Variants in EPB41L2 observed in about 807,000 individuals in gnomAD.
EPB41L2 encodes the protein band 4.1-like protein 2.
In EPB41L2, 43 loss-of-function variants were observed where a neutral mutation model predicts 113.0. The ratio of observed to expected loss-of-function variants is 0.38; its 90% CI spans 0.30 to 0.49. The LOEUF (loss-of-function observed/expected upper bound fraction) is 0.49, where lower values mean the gene tolerates loss of function less well. EPB41L2 is among the 20% of genes least tolerant of loss of function. EPB41L2 has a pLI of 0.95. For missense variants in EPB41L2, 1,147 were observed against 1,223.4 expected (o/e 0.94, Z 0.93); for synonymous variants, 442 against 436.7 (o/e 1.01, Z -0.15).
intron 4 of EPB41L2, among the ~76,000 whole-genome samples, chr6:130,912,742 G>C (rs2128520122): frequency 6.6e-6 from 1 of 152,040 alleles, no homozygotes; most frequent in East Asian, 1.9e-4. Flanking sequence ...GCCTCGATAA[G>C]TGCACAGGAA....
chr6:130,993,931 A>T (rs1004077763), intron 1 of EPB41L2, among the ~76,000 whole-genome samples: 5 of 152,360 alleles, frequency 3.3e-5, no homozygotes, highest in African/African-American at 9.6e-5. Context: ...GTATAAGGTT[A>T]AAAATAGGCA....
At chr6:130,957,427 C>T (rs1817797184) in intron 1 of EPB41L2, among the ~76,000 whole-genome samples, 1 of 152,170 alleles carries the variant, frequency 6.6e-6, no homozygotes, top group African/African-American at 2.4e-5. Context: ...TTCGCTCTCC[C>T]CTCCCTTGCC....
chr6:130,857,580 T>C, intron 19 of EPB41L2, among the ~76,000 whole-genome samples: 2 of 113,178 alleles, frequency 1.8e-5, no homozygotes, highest in South Asian at 3.1e-4. Context: ...TTTTTTGAGA[T>C]GGAGTCTCAC....
intron 4 of EPB41L2, among the ~76,000 whole-genome samples, chr6:130,911,822 C>T (rs1385795264): frequency 6.6e-6 from 1 of 152,080 alleles, no homozygotes; most frequent in South Asian, 2.1e-4. Flanking sequence ...TTTTGAGGTA[C>T]AATAAACTAA....
At chr6:131,022,512 T>TATTATTTG (rs1381963447) in intron 1 of EPB41L2, among the ~76,000 whole-genome samples, 1 of 152,216 alleles carries the variant, frequency 6.6e-6, no homozygotes, top group Non-Finnish European at 1.5e-5. Context: ...AATAAATTAC[T>TATTATTTG]AACAGGCTTG....
chr6:130,996,100 T>C (rs975429604), intron 1 of EPB41L2, among the ~76,000 whole-genome samples: 17 of 152,220 alleles, frequency 1.1e-4, no homozygotes, highest in Non-Finnish European at 2.2e-4. Context: ...TGAGTCTCCT[T>C]GGAGGGTTTC....
chr6:130,860,091 G>C (rs553601835), intron 18 of EPB41L2, among the ~76,000 whole-genome samples: 4 of 152,328 alleles, frequency 2.6e-5, no homozygotes, highest in African/African-American at 9.6e-5. Flanking sequence ...TTGTGTTTGT[G>C]TGTGTCTTCA....
chr6:130,880,511 G>A (rs1362154126), intron 12 of EPB41L2: 14 of 634,028 alleles, frequency 2.2e-5, no homozygotes, highest in African/African-American at 1.3e-4. Context: ...CACAGCAAAC[G>A]GCCAGAAAGA....
intron 1 of EPB41L2, among the ~76,000 whole-genome samples, chr6:131,004,970 T>G (rs1480167751): frequency 6.6e-6 from 1 of 152,230 alleles, no homozygotes; most frequent in Non-Finnish European, 1.5e-5. Flanking sequence ...ATCAAGATTT[T>G]ACTATTCATA....
chr6:130,913,953 G>A (rs901438211), intron 4 of EPB41L2, among the ~76,000 whole-genome samples: 2 of 152,084 alleles, frequency 1.3e-5, no homozygotes, highest in Non-Finnish European at 2.9e-5. Flanking sequence ...TACAACAACC[G>A]CCCTCACCCC....
At chr6:130,945,901 G>C (rs1212367373) in intron 3 of EPB41L2, among the ~76,000 whole-genome samples, 1 of 152,012 alleles carries the variant, frequency 6.6e-6, no homozygotes, top group African/African-American at 2.4e-5. Context: ...ACATCATAAA[G>C]AGTGCTAGAG....
intron 3 of EPB41L2, among the ~76,000 whole-genome samples, chr6:130,930,272 C>A (rs557874719): frequency 2.6e-5 from 4 of 152,104 alleles, no homozygotes; most frequent in Non-Finnish European, 5.9e-5. Context: ...TATTCTACAA[C>A]AGAATTTTTG....
chr6:130,887,123 T>C (rs1248076605), intron 11 of EPB41L2, among the ~76,000 whole-genome samples: 1 of 152,228 alleles, frequency 6.6e-6, no homozygotes, highest in Non-Finnish European at 1.5e-5. Flanking sequence ...ATATTAAAAT[T>C]TGAATATCAA....
chr6:131,003,623 G>A lies in EPB41L2; in HGVS notation c.-14-47124C>T, dbSNP rs368475879. Among the ~76,000 whole-genome samples the A allele has an allele frequency of 7.9e-5, 12 of 152,190 alleles. No individual in the cohort carries two copies. The South Asian group carries it at 2.3e-3, about 29-fold the overall frequency. On this transcript the variant is annotated intron_variant, in intron 1 of 19. Transcript: ENST00000337057. Reference sequence around the variant, plus strand: ...CCCTCCTCACAAAAACCTCTTGGGAGTGACTGAACGCAAGTAACCTAAAAC... The same window carrying A: ...CCCTCCTCACAAAAACCTCTTGGGAATGACTGAACGCAAGTAACCTAAAAC...
chr6:131,001,045 G>A (rs1042493501), intron 1 of EPB41L2, among the ~76,000 whole-genome samples: 12 of 152,032 alleles, frequency 7.9e-5, no homozygotes, highest in Non-Finnish European at 7.4e-5. Context: ...ATGAGATCCC[G>A]CTCTAGCAAC....
intron 1 of EPB41L2, among the ~76,000 whole-genome samples, chr6:131,030,538 A>G (rs1477898611): frequency 1.3e-5 from 2 of 152,222 alleles, no homozygotes; most frequent in Admixed American, 6.5e-5. Context: ...ATCCTCAAAT[A>G]GTAACTCTTT....
At chr6:130,841,767 C>T (rs1441100444) in intron 19 of EPB41L2, among the ~76,000 whole-genome samples, 1 of 152,172 alleles carries the variant, frequency 6.6e-6, no homozygotes, top group East Asian at 1.9e-4. Flanking sequence ...CTGGGTGAAG[C>T]ATTAGACCTA....
intron 1 of EPB41L2, among the ~76,000 whole-genome samples, chr6:130,981,758 T>C (rs913808749): frequency 2.0e-5 from 3 of 152,178 alleles, no homozygotes; most frequent in African/African-American, 7.2e-5. Context: ...TGATCCAAAT[T>C]GTAGCTTTAT....
chr6:130,845,814 C>T (rs543299581), intron 19 of EPB41L2, among the ~76,000 whole-genome samples: 1 of 152,262 alleles, frequency 6.6e-6, no homozygotes, highest in South Asian at 2.1e-4. Context: ...TTTTAATATT[C>T]TGTGTGATGA....
Sources: allele counts gnomAD v4.1 joint callset (sites outside exome capture counted in the v4.1 genomes callset), GRCh38; gene constraint gnomAD v4.1.1; transcripts MANE v1.5; gene names NCBI Gene and HGNC (gene_info 2026-07-23, HGNC 2026-07-21).